HIVEP2: variants seen among roughly 807,000 people sequenced by gnomAD.
HIVEP2 encodes transcription factor HIVEP2.
A neutral mutation model predicts 180.7 loss-of-function variants in HIVEP2; 14 were observed. The observed-to-expected ratio is 0.08, with a 90% CI of 0.05 to 0.12. The LOEUF is 0.12. HIVEP2 is among the 10% of genes least tolerant of loss of function. The pLI, the probability that HIVEP2 is intolerant of heterozygous loss-of-function variation, is 1.00. For synonymous variants in HIVEP2, 1,184 were observed against 1,136.4 expected (o/e 1.04, Z -0.84); for missense variants, 2,579 against 3,008.5 (o/e 0.86, Z 3.34).
intron 1 of HIVEP2, among the ~76,000 whole-genome samples, chr6:142,922,521 G>C (rs1483035641): frequency 6.6e-6 from 1 of 152,136 alleles, no homozygotes; most frequent in Non-Finnish European, 1.5e-5. Flanking sequence ...GCTTACTACA[G>C]GCCAGGTTCT....
Position 142,774,217 on chromosome 6 carries a change from T to C in HIVEP2, c.522A>G (p.Glu174=), listed in dbSNP as rs1474313590. Residue 174 remains glutamate, a synonymous_variant, in exon 5 of 10, where the codon GAA becomes GAG. Coordinates refer to ENST00000367603, the MANE Select transcript of HIVEP2 (RefSeq NM_006734.4). This position sits in a 1 kb window ranked among gnomAD's most constrained non-coding sequence, Gnocchi z 5.1. The stretch of plus-strand genomic sequence containing the variant: ...GTTTGTGCTCTTTCTTGTGAGCCTC[T>C]TCTGCCTGTTCAATACTTTTCTGGG... ...QYSQKSIEQA[E]EAHKKEHKPK... is the part of the protein sequence containing the mutation. The C allele has an allele frequency of 1.2e-6, 2 of 1,614,152 alleles. No homozygotes were observed. The highest frequency in any genetic ancestry group is 2.2e-5 in the East Asian group (1 of 44,880).
intron 1 of HIVEP2, among the ~76,000 whole-genome samples, chr6:142,897,921 C>A (rs993395479): frequency 3.3e-5 from 5 of 152,204 alleles, no homozygotes; most frequent in Non-Finnish European, 7.3e-5. Flanking sequence ...AGGGACTAAT[C>A]CTTGTCTATC....
intron 1 of HIVEP2, among the ~76,000 whole-genome samples, chr6:142,881,324 A>T (rs1451329757): frequency 6.6e-6 from 1 of 152,216 alleles, no homozygotes; most frequent in Non-Finnish European, 1.5e-5. Context: ...CATCATGTCA[A>T]TAATTTTTAA....
intron 1 of HIVEP2, among the ~76,000 whole-genome samples, chr6:142,898,319 G>C (rs1342451394): frequency 6.6e-6 from 1 of 152,156 alleles, no homozygotes; most frequent in African/African-American, 2.4e-5. Flanking sequence ...CCAAAGCCAA[G>C]GATCTTTCCA....
Position 142,773,225 on chromosome 6 carries a change from G to C in HIVEP2, c.1514C>G (p.Pro505Arg), listed in dbSNP as rs774181665. The C allele has an allele frequency of 1.2e-6, 2 of 1,614,170 alleles. No homozygotes were observed. The highest frequency in any genetic ancestry group is 1.7e-5 in the Admixed American group (1 of 60,020). Reference protein sequence around the residue: ...STKFNSESRQPQIIPSSIRNE... With the variant: ...STKFNSESRQRQIIPSSIRNE... ...CCTGATAGATGATGGAATAATCTGG[G>C]GTTGTCTGGACTCACTGTTGAACTT... Residue 505 changes from proline (P) to arginine (R), a missense_variant, in exon 5 of 10, where the codon CCC (proline) becomes CGC (arginine). Coordinates refer to ENST00000367603, the MANE Select transcript of HIVEP2 (RefSeq NM_006734.4).
At chr6:142,811,515 C>T (rs539060924) in intron 2 of HIVEP2, among the ~76,000 whole-genome samples, 2 of 152,176 alleles carry the variant, frequency 1.3e-5, no homozygotes, top group East Asian at 3.8e-4. Flanking sequence ...TCCCCCTACA[C>T]ACAATGTAGC....
intron 1 of HIVEP2, among the ~76,000 whole-genome samples, chr6:142,909,152 T>C (rs894965033): frequency 3.4e-4 from 52 of 152,174 alleles, no homozygotes; most frequent in African/African-American, 1.2e-3. Flanking sequence ...GAATGCATGC[T>C]GAAATACCTA....
chr6:142,823,360 G>GC (rs760236462), intron 2 of HIVEP2, among the ~76,000 whole-genome samples: 1 of 152,200 alleles, frequency 6.6e-6, no homozygotes, highest in Non-Finnish European at 1.5e-5. Context: ...AACGGTTTAA[G>GC]CCCCGAGGGA....
rs747465565 is a variant in HIVEP2 at position 142,760,066 on chromosome 6, T to A, written c.6222A>T (p.Arg2074Ser). Residue 2074 changes from arginine to serine, a missense_variant, in exon 9 of 10, where the codon AGA (arginine) becomes AGT (serine). By Grantham distance (110) the Arg-to-Ser change is moderately radical. Around this residue, in one of 11 missense-constraint regions of HIVEP2, gnomAD observed 660 missense variants for 731.7 expected, o/e 0.90. Transcript: ENST00000367603. ...ACAGATCTCTCCTAGGTGATAAATG[T>A]CTCCTGGGAGATAAATCTCCTTTGG... ...LIPKGDLSPR[R>S]HLSPRRDLSP... 4.3e-6 allele frequency: 7 copies of A among 1,614,174 alleles called. No homozygotes were observed. The highest frequency in any genetic ancestry group is 1.7e-5 in the Admixed American group (1 of 60,020).
At chr6:142,866,429 C>G (rs1052063175) in intron 1 of HIVEP2, among the ~76,000 whole-genome samples, 3 of 152,082 alleles carry the variant, frequency 2.0e-5, no homozygotes, top group Non-Finnish European at 4.4e-5. Context: ...TTTCTACAAC[C>G]CTTATTTCCC....
chr6:142,932,665 T>C (rs1242626924), intron 1 of HIVEP2, among the ~76,000 whole-genome samples: 1 of 152,204 alleles, frequency 6.6e-6, no homozygotes, highest in African/African-American at 2.4e-5. Context: ...TGCAAGACAA[T>C]GAGTAAACTT....
chr6:142,897,967 C>T (rs978824503), intron 1 of HIVEP2, among the ~76,000 whole-genome samples: 8 of 152,120 alleles, frequency 5.3e-5, no homozygotes, highest in Non-Finnish European at 1.0e-4. Context: ...GCTTAGTACA[C>T]ACCTGCTCTC....
intron 2 of HIVEP2, among the ~76,000 whole-genome samples, chr6:142,827,387 A>G (rs777921528): frequency 6.6e-6 from 1 of 152,232 alleles, no homozygotes; most frequent in African/African-American, 2.4e-5. Context: ...TCCTGCTAGC[A>G]TATTGCACCC....
At chr6:142,765,194 A>C (rs1775351202) in intron 6 of HIVEP2, among the ~76,000 whole-genome samples, 1 of 152,204 alleles carries the variant, frequency 6.6e-6, no homozygotes, top group South Asian at 2.1e-4. Flanking sequence ...GCTCCATGGA[A>C]TTCAAAATGG....
chr6:142,806,904 A>C (rs1343006669), intron 2 of HIVEP2, among the ~76,000 whole-genome samples: 1 of 152,146 alleles, frequency 6.6e-6, no homozygotes, highest in Admixed American at 6.5e-5. Context: ...CTCTGGCTGT[A>C]AGGAGCTGGC....
intron 1 of HIVEP2, among the ~76,000 whole-genome samples, chr6:142,869,833 G>A (rs1776242815): frequency 1.3e-5 from 2 of 152,024 alleles, no homozygotes; most frequent in Non-Finnish European, 2.9e-5. Context: ...AAAAAGGCTT[G>A]GGTTGAAAGG....
chr6:142,768,683 G>A (rs1775437894), intron 5 of HIVEP2, 147 bp from the exon 6 acceptor site: 29 of 663,610 alleles, frequency 4.4e-5, no homozygotes, highest in Middle Eastern at 2.5e-4. Context: ...GGACCACTAG[G>A]GATAAAATCA....
At chr6:142,833,966 A>G (rs1293285536) in intron 2 of HIVEP2, among the ~76,000 whole-genome samples, 1 of 152,214 alleles carries the variant, frequency 6.6e-6, no homozygotes, top group Non-Finnish European at 1.5e-5. Flanking sequence ...AAAATATAAA[A>G]GGAAGTCCTG....
chr6:142,921,396 G>A (rs932379923), intron 1 of HIVEP2, among the ~76,000 whole-genome samples: 3 of 152,270 alleles, frequency 2.0e-5, no homozygotes, highest in Admixed American at 6.5e-5. Flanking sequence ...TTAGCCAGGC[G>A]TGGTGGCACA....
Sources: gnomAD v4.1 joint callset for allele counts (sites outside exome capture counted in the v4.1 genomes callset) on GRCh38, gnomAD v4.1.1 for gene constraint, gnomAD v4.1.1 regional missense constraint, Gnocchi (gnomAD v3.1) non-coding constraint, MANE v1.5 for transcripts, NCBI Gene and HGNC (gene_info 2026-07-23, HGNC 2026-07-21) for gene names.